KIF16B: variants seen among roughly 807,000 people sequenced by gnomAD.
The protein encoded by KIF16B is kinesin family member 16B.
A neutral mutation model predicts 156.3 loss-of-function variants in KIF16B; 98 were observed. The observed-to-expected ratio is 0.63, with a 90% CI of 0.53 to 0.74. The LOEUF is 0.74. KIF16B is among the 30% of genes least tolerant of loss of function. KIF16B has a pLI of 0.00. For synonymous variants in KIF16B, 564 were observed against 583.7 expected (o/e 0.97, Z 0.49); for missense variants, 1,421 against 1,606.5 (o/e 0.88, Z 1.97).
intron 3 of KIF16B, among the ~76,000 whole-genome samples, chr20:16,518,910 G>A (rs1486817383): frequency 6.6e-6 from 1 of 152,010 alleles, no homozygotes; most frequent in Non-Finnish European, 1.5e-5. Context: ...TCCTGTGCCT[G>A]ATCCATCTGT....
At chr20:16,561,299 A>T (rs1430119945) in intron 1 of KIF16B, among the ~76,000 whole-genome samples, 1 of 152,210 alleles carries the variant, frequency 6.6e-6, no homozygotes, top group Non-Finnish European at 1.5e-5. Flanking sequence ...GTCTCAAAAA[A>T]AAGTAGTAGA....
chr20:16,273,953 A>G (rs4052895), intron 25 of KIF16B, among the ~76,000 whole-genome samples: 17,301 of 152,068 alleles, frequency 0.11, 1,084 homozygotes, highest in African/African-American at 0.15. Flanking sequence ...AATGCCTAGG[A>G]AAATGTCAAG....
At position 16,526,124 on chromosome 20, in the gene KIF16B, T is replaced by C. The variant is rs184779220; in HGVS notation, c.199A>G (p.Thr67Ala). ...TYDFSFYSAD[T>A]KSPDYVSQEM... Reference sequence around the variant, plus strand: ...TGTGAAACGTAATCTGGGCTTTTTGTATCAGCAGAATAAAAAGAAAAGTCA... The same window carrying C: ...TGTGAAACGTAATCTGGGCTTTTTGCATCAGCAGAATAAAAAGAAAAGTCA... Residue 67 changes from threonine to alanine, a missense_variant, in exon 3 of 26, where the codon ACA becomes GCA. Coordinates refer to ENST00000354981, the MANE Select transcript of KIF16B (RefSeq NM_024704.5). The C allele has an allele frequency of 9.5e-5, 153 of 1,604,910 alleles. 1 individual carries two copies. Among genetic ancestry groups the C allele is most frequent in the Middle Eastern group, 8.3e-4 (5 of 6,032 alleles).
intron 3 of KIF16B, among the ~76,000 whole-genome samples, chr20:16,516,271 C>T (rs2069140149): frequency 6.6e-6 from 1 of 152,144 alleles, no homozygotes; most frequent in Admixed American, 6.5e-5. Flanking sequence ...GGCAGGGAGA[C>T]AAGCTGTGTG....
At chr20:16,423,151 C>A (rs1328360942) in intron 15 of KIF16B, among the ~76,000 whole-genome samples, 2 of 151,726 alleles carry the variant, frequency 1.3e-5, no homozygotes, top group East Asian at 3.9e-4. Flanking sequence ...AAATGGCATA[C>A]CAATATGAGG....
chr20:16,322,579 C>A (rs1002866669), intron 24 of KIF16B, among the ~76,000 whole-genome samples: 1 of 151,948 alleles, frequency 6.6e-6, no homozygotes, highest in Non-Finnish European at 1.5e-5. Flanking sequence ...AGCATTCTCT[C>A]TGCTGATACT....
chr20:16,511,673 G>A (rs1280998298), intron 5 of KIF16B, 146 bp from the exon 6 acceptor site: 7 of 571,590 alleles, frequency 1.2e-5, no homozygotes. Context: ...CAGGTACAAT[G>A]AGTCCTCACT....
At chr20:16,534,591 C>T (rs1430665350) in intron 1 of KIF16B, among the ~76,000 whole-genome samples, 1 of 152,202 alleles carries the variant, frequency 6.6e-6, no homozygotes, top group South Asian at 2.1e-4. Flanking sequence ...TTGTCCAGAA[C>T]AATGTCCTGA....
chr20:16,458,100 G>C (rs1339540988), intron 12 of KIF16B, among the ~76,000 whole-genome samples: 1 of 152,080 alleles, frequency 6.6e-6, no homozygotes, highest in Non-Finnish European at 1.5e-5. Context: ...GTTTTGCTGT[G>C]AGCCACTTTA....
At position 16,461,844 on chromosome 20, in the gene KIF16B, C is replaced by T. The variant is rs925752541; in HGVS notation, c.1303-31862G>A. Among the ~76,000 whole-genome samples the T allele has an allele frequency of 4.6e-5, 7 of 152,288 alleles. No individual in the cohort carries two copies. The South Asian group carries it at 1.0e-3, about 23-fold the overall frequency. ...TTTCTAGTGATTCTCAAGTAACTAA[C>T]GAAGGCAGTTATTTGAGAATCAGTG... On this transcript the variant is annotated intron_variant, in intron 12 of 25. Coordinates refer to ENST00000354981, the MANE Select transcript of KIF16B (RefSeq NM_024704.5).
At chr20:16,541,970 C>T (rs2070221075) in intron 1 of KIF16B, among the ~76,000 whole-genome samples, 2 of 152,220 alleles carry the variant, frequency 1.3e-5, no homozygotes, top group Admixed American at 1.3e-4. Context: ...CAGCAACAAG[C>T]CCTCAAAGAC....
At chr20:16,557,026 C>A (rs554070578) in intron 1 of KIF16B, among the ~76,000 whole-genome samples, 235 of 151,662 alleles carry the variant, frequency 1.5e-3, no homozygotes, top group African/African-American at 5.5e-3. Context: ...GCTGTAAGTA[C>A]AAAATCATGC....
At chr20:16,416,725 T>TA (rs61071475) in intron 15 of KIF16B, among the ~76,000 whole-genome samples, 16,814 of 144,712 alleles carry the variant, frequency 0.12, 1,245 homozygotes, top group East Asian at 0.3. Flanking sequence ...CCCAGAACTT[T>TA]AAAAAAAAAA....
intron 24 of KIF16B, among the ~76,000 whole-genome samples, chr20:16,323,336 A>T (rs569236946): frequency 6.6e-6 from 1 of 152,088 alleles, no homozygotes; most frequent in East Asian, 1.9e-4. Context: ...TCTGCACCCT[A>T]AAGGTTTGTG....
chr20:16,471,294 A>G (rs1403709789), intron 12 of KIF16B, among the ~76,000 whole-genome samples: 1 of 152,210 alleles, frequency 6.6e-6, no homozygotes, highest in Non-Finnish European at 1.5e-5. Flanking sequence ...AGCATAAAAT[A>G]TGAGTCCTAA....
intron 15 of KIF16B, among the ~76,000 whole-genome samples, chr20:16,407,314 T>C (rs2065810370): frequency 6.6e-6 from 1 of 152,108 alleles, no homozygotes; most frequent in Non-Finnish European, 1.5e-5. Context: ...TGAAGTCCCA[T>C]CCATGTATGA....
At chr20:16,469,514 C>T (rs749202320) in intron 12 of KIF16B, among the ~76,000 whole-genome samples, 2 of 148,702 alleles carry the variant, frequency 1.3e-5, no homozygotes, top group Non-Finnish European at 3.0e-5. Flanking sequence ...GCATTCAATG[C>T]GTGTTAGAAT....
At chr20:16,358,330 C>A (rs1437241379) in intron 22 of KIF16B, among the ~76,000 whole-genome samples, 1 of 152,180 alleles carries the variant, frequency 6.6e-6, no homozygotes, top group Non-Finnish European at 1.5e-5. Context: ...ATACTTGAAC[C>A]TTTTAGGATC....
intron 13 of KIF16B, 52 bp from the exon 14 acceptor site, chr20:16,429,056 T>C (rs1486169345): frequency 6.9e-7 from 1 of 1,457,760 alleles, no homozygotes; most frequent in African/African-American, 1.4e-5. Context: ...AGGAATAGCT[T>C]GTTTCTTCAT....
Sources: gnomAD v4.1 joint callset for allele counts (sites outside exome capture counted in the v4.1 genomes callset) on GRCh38, gnomAD v4.1.1 for gene constraint, MANE v1.5 for transcripts, NCBI Gene and HGNC (gene_info 2026-07-23, HGNC 2026-07-21) for gene names.